SOX6: variants seen among roughly 807,000 people sequenced by gnomAD.
SOX6 encodes SRY-box transcription factor 6.
SOX6 carries 11 observed loss-of-function variants against 97.8 expected under a neutral mutation model. The ratio of observed to expected loss-of-function variants is 0.11; its 90% CI spans 0.07 to 0.19. The LOEUF (loss-of-function observed/expected upper bound fraction) is 0.19, where lower values mean the gene tolerates loss of function less well. Ranked by LOEUF, SOX6 falls within the 10% of genes least tolerant of loss-of-function variation. The probability of loss-of-function intolerance (pLI) is 1.00; values close to 1 mark genes in which losing one functional copy is unlikely to be tolerated. For synonymous variants in SOX6, 360 were observed against 371.4 expected, an observed-to-expected ratio of 0.97 and a Z score of 0.35; for missense variants, 810 against 1,039.5, an observed-to-expected ratio of 0.78 and a Z score of 3.04.
intron 1 of SOX6, among the ~76,000 whole-genome samples, chr11:16,388,446 C>G (rs1858064120): frequency 6.6e-6 from 1 of 151,934 alleles, no homozygotes; most frequent in Non-Finnish European, 1.5e-5. Context: ...AGAAATTGTT[C>G]TATTTTTTGA....
chr11:16,230,738 A>G (rs1037016138), intron 4 of SOX6, among the ~76,000 whole-genome samples: 1 of 151,784 alleles, frequency 6.6e-6, no homozygotes, highest in African/African-American at 2.4e-5. Flanking sequence ...TTAAAGAAGT[A>G]TGGAAGCACC....
intron 2 of SOX6, among the ~76,000 whole-genome samples, chr11:16,340,269 T>C (rs1856588507): frequency 6.6e-6 from 1 of 152,084 alleles, no homozygotes; most frequent in Non-Finnish European, 1.5e-5. Flanking sequence ...GTTTAAAACT[T>C]CTAATCTAAT....
intron 4 of SOX6, among the ~76,000 whole-genome samples, chr11:16,565,822 C>T (rs1369835025): frequency 2.0e-5 from 3 of 151,528 alleles, no homozygotes; most frequent in East Asian, 1.9e-4. Context: ...ATAGGCCGGG[C>T]GCAGTGGCTC....
At chr11:16,050,446 C>T (rs1173131312) in intron 10 of SOX6, among the ~76,000 whole-genome samples, 1 of 152,200 alleles carries the variant, frequency 6.6e-6, no homozygotes, top group East Asian at 1.9e-4. Flanking sequence ...CAGGGAGCCA[C>T]ATGCCACAGC....
intron 12 of SOX6, among the ~76,000 whole-genome samples, chr11:16,028,592 A>G (rs1029423195): frequency 6.6e-6 from 1 of 152,198 alleles, no homozygotes; most frequent in Non-Finnish European, 1.5e-5. Flanking sequence ...CATCACTGTT[A>G]CATTCCTCTG....
chr11:16,207,051 C>T (rs995871600), intron 4 of SOX6, among the ~76,000 whole-genome samples: 4 of 152,132 alleles, frequency 2.6e-5, no homozygotes, highest in African/African-American at 9.7e-5. Context: ...ACTACAAATG[C>T]ACATACACAT....
chr11:16,275,405 G>C (rs1854370119), intron 3 of SOX6, among the ~76,000 whole-genome samples: 1 of 152,006 alleles, frequency 6.6e-6, no homozygotes, highest in Admixed American at 6.6e-5. Flanking sequence ...GCAGTGAGCC[G>C]AGATCGTGCC....
At position 16,341,187 on chromosome 11, in the gene SOX6, G is replaced by T. The variant is rs770132026; in HGVS notation, c.62C>A (p.Thr21Asn). 1.2e-6 allele frequency: 2 copies of T among 1,613,482 alleles called. No individual in the cohort carries two copies. Among genetic ancestry groups the T allele is most frequent in the Admixed American group, 3.3e-5 (2 of 59,926 alleles). The change falls in exon 2 of 16, where the codon ACC (threonine) becomes AAC (asparagine). Residue 21 changes from threonine (T) to asparagine (N), a missense_variant. Physicochemically the swap from Thr to Asn is moderately conservative, Grantham distance 65 (BLOSUM62 0). Around this residue, in one of 9 missense-constraint regions of SOX6, gnomAD observed 100 missense variants for 94.6 expected, o/e 1.06. Coordinates refer to ENST00000683767, the MANE Select transcript of SOX6 (RefSeq NM_001367873.1). Reference protein sequence around the residue: ...ACAADGEDAMTQDLTSREKEE... With the variant: ...ACAADGEDAMNQDLTSREKEE... ...CTTTTCCCTTGAGGTTAAATCCTGGGTCATTGCATCCTCTCCATCAGCTGC... is the reference window on the plus strand; with the variant it reads ...CTTTTCCCTTGAGGTTAAATCCTGGTTCATTGCATCCTCTCCATCAGCTGC...
At chr11:16,146,614 G>A (rs1850305436) in intron 6 of SOX6, among the ~76,000 whole-genome samples, 1 of 152,012 alleles carries the variant, frequency 6.6e-6, no homozygotes, top group South Asian at 2.1e-4. Flanking sequence ...CTGACAAAGG[G>A]CTAATATCCA....
At position 16,046,532 on chromosome 11, in the gene SOX6, G is replaced by C. The variant is rs753836197; in HGVS notation, c.1605C>G (p.Asn535Lys). The C allele has an allele frequency of 5.0e-6, 8 of 1,613,476 alleles. No homozygotes were observed. The highest frequency in any genetic ancestry group is 5.9e-6 in the Non-Finnish European group (7 of 1,179,706). Reference protein sequence around the residue: ...KLSSINNMGLNSCRNEKERTR... With the variant: ...KLSSINNMGLKSCRNEKERTR... ...GTTTTACCTTTTCATTCCTGCAGCT[G>C]TTCAGCCCCATATTATTTATGGAGG... Residue 535 changes from asparagine (N) to lysine (K), a missense_variant, in exon 12 of 16, where the codon AAC becomes AAG. Asn to Lys is a moderately conservative substitution (Grantham distance 94). Coordinates refer to ENST00000683767, the MANE Select transcript of SOX6 (RefSeq NM_001367873.1).
At chr11:16,491,579 A>C (rs908970017) in intron 4 of SOX6, among the ~76,000 whole-genome samples, 6 of 152,082 alleles carry the variant, frequency 3.9e-5, no homozygotes, top group African/African-American at 1.4e-4. Flanking sequence ...ATTCATATGA[A>C]AATCCAAACA....
At chr11:16,256,742 G>A (rs1200821954) in intron 3 of SOX6, among the ~76,000 whole-genome samples, 1 of 151,624 alleles carries the variant, frequency 6.6e-6, no homozygotes, top group Non-Finnish European at 1.5e-5. Context: ...TAAAATAAAG[G>A]GTATACAGAT....
intron 4 of SOX6, among the ~76,000 whole-genome samples, chr11:16,212,657 T>A (rs909594501): frequency 7.9e-5 from 12 of 152,188 alleles, no homozygotes; most frequent in Non-Finnish European, 1.8e-4. Flanking sequence ...CTTTGCTAGA[T>A]ATAGCTAAAC....
chr11:16,374,688 ACACT>A (rs1355807236), intron 1 of SOX6, among the ~76,000 whole-genome samples: 2 of 152,084 alleles, frequency 1.3e-5, no homozygotes, highest in Non-Finnish European at 1.5e-5. Flanking sequence ...ACAAACAAAC[ACACT>A]CACATGGCAA....
chr11:16,229,111 A>T (rs1215553607), intron 4 of SOX6, among the ~76,000 whole-genome samples: 5 of 152,162 alleles, frequency 3.3e-5, no homozygotes, highest in Non-Finnish European at 7.4e-5. Flanking sequence ...AATGGCAGTG[A>T]TAAAGGCTGA....
intron 3 of SOX6, among the ~76,000 whole-genome samples, chr11:16,656,007 A>G (rs1029889516): frequency 6.6e-6 from 1 of 151,946 alleles, no homozygotes; most frequent in African/African-American, 2.4e-5. Flanking sequence ...ACTTTTTTGT[A>G]TTTTTCCAGA....
At chr11:15,993,884 C>T (rs1345103342) in intron 13 of SOX6, among the ~76,000 whole-genome samples, 1 of 152,180 alleles carries the variant, frequency 6.6e-6, no homozygotes, top group Admixed American at 6.5e-5. Flanking sequence ...CTGAACTAAT[C>T]CTGGAGAGGC....
At chr11:16,448,286 C>A (rs978741479) in intron 1 of SOX6, among the ~76,000 whole-genome samples, 1 of 152,130 alleles carries the variant, frequency 6.6e-6, no homozygotes, top group Non-Finnish European at 1.5e-5. Context: ...AAGCACCTTT[C>A]CCCTACACTT....
intron 2 of SOX6, among the ~76,000 whole-genome samples, chr11:16,727,460 C>T (rs1205325839): frequency 6.6e-6 from 1 of 150,514 alleles, no homozygotes; most frequent in African/African-American, 2.4e-5. Context: ...GATGGAATCT[C>T]GCTGTGCTGA....
Sources: allele counts gnomAD v4.1 joint callset (sites outside exome capture counted in the v4.1 genomes callset), GRCh38; gene constraint gnomAD v4.1.1; regional missense constraint gnomAD v4.1.1; transcripts MANE v1.5; gene names NCBI Gene and HGNC (gene_info 2026-07-23, HGNC 2026-07-21).